Variants in GLIPR1L2 observed in about 807,000 individuals in gnomAD.
GLIPR1L2 encodes GLIPR1 like 2, also known as GLIPR1-like protein 2.
Under a neutral mutation model 28.4 loss-of-function variants are expected in GLIPR1L2, and 21 were observed. The ratio of observed to expected loss-of-function variants is 0.74; its 90% confidence interval spans 0.52 to 1.06. GLIPR1L2 has a LOEUF of 1.06. Ranked by LOEUF, GLIPR1L2 falls within the 50% of genes least tolerant of loss-of-function variation. The pLI is 0.00. For missense variants in GLIPR1L2, 476 were observed against 416.9 expected (o/e 1.14, Z -1.23); for synonymous variants, 145 against 139.3 (o/e 1.04, Z -0.29).
intron 1 of GLIPR1L2, among the ~76,000 whole-genome samples, chr12:75,398,447 T>G (rs1448630496): frequency 1.3e-5 from 2 of 152,132 alleles, no homozygotes; most frequent in Non-Finnish European, 2.9e-5. Context: ...ACTAAACATT[T>G]TATTCCCATT....
At chr12:75,395,685 T>C (rs1236605692) in intron 1 of GLIPR1L2, among the ~76,000 whole-genome samples, 1 of 151,770 alleles carries the variant, frequency 6.6e-6, no homozygotes, top group East Asian at 1.9e-4. Context: ...TAGTTATAGG[T>C]CTGTTTAGAT....
intron 1 of GLIPR1L2, among the ~76,000 whole-genome samples, chr12:75,395,970 T>C (rs139402632): frequency 1.3e-5 from 2 of 152,258 alleles, no homozygotes; most frequent in Admixed American, 1.3e-4. Context: ...AGGTTGTTGA[T>C]TTGGAGTCTT....
At chr12:75,397,183 T>G (rs760714585) in intron 1 of GLIPR1L2, among the ~76,000 whole-genome samples, 3 of 152,166 alleles carry the variant, frequency 2.0e-5, no homozygotes, top group Non-Finnish European at 4.4e-5. Context: ...TTAGAACTGC[T>G]GTTCATTCAC....
intron 1 of GLIPR1L2, among the ~76,000 whole-genome samples, chr12:75,409,036 GT>G (rs1437427497): frequency 2.0e-5 from 3 of 152,000 alleles, no homozygotes; most frequent in African/African-American, 7.2e-5. Flanking sequence ...TGTTCAATCT[GT>G]GGCCTTCAGG....
chr12:75,431,190 C>T lies in GLIPR1L2; in HGVS notation c.*29C>T, dbSNP rs769751258. 6 of 612,008 alleles carry T rather than the reference C, an allele frequency of 9.8e-6. No individual in the cohort carries two copies. The South Asian group carries it at 1.2e-4, about 13-fold the overall frequency. The allele number at this position is 612,008 out of a possible 1,614,324, so 37.9% of individuals were successfully genotyped here. A position where few individuals can be genotyped will look rare whatever the true frequency, so the allele number is the denominator to read the frequency against. On this transcript the variant is annotated 3_prime_UTR_variant, in exon 6 of 6. Transcript: ENST00000550916. ...TAGAAAGAGGAGGAAAAAGATGTATCACCAATATAAACCAAAAGTGTAATA... is the reference window on the plus strand; with the variant it reads ...TAGAAAGAGGAGGAAAAAGATGTATTACCAATATAAACCAAAAGTGTAATA...
At chr12:75,404,686 A>C (rs1432412205) in intron 1 of GLIPR1L2, among the ~76,000 whole-genome samples, 6 of 152,152 alleles carry the variant, frequency 3.9e-5, no homozygotes, top group Non-Finnish European at 1.5e-5. Flanking sequence ...ATAAAACAAC[A>C]AATGTGTATT....
intron 4 of GLIPR1L2, among the ~76,000 whole-genome samples, chr12:75,429,627 T>C (rs1191968121): frequency 6.6e-6 from 1 of 152,152 alleles, no homozygotes; most frequent in Non-Finnish European, 1.5e-5. Context: ...TGATATGGTT[T>C]GGCTCTGTGT....
chr12:75,397,690 G>A (rs1448725683), intron 1 of GLIPR1L2, among the ~76,000 whole-genome samples: 1 of 152,142 alleles, frequency 6.6e-6, no homozygotes, highest in Non-Finnish European at 1.5e-5. Flanking sequence ...GTGTCCACTT[G>A]TAGGCATAGG....
Position 75,431,329 on chromosome 12 carries a change from C to T in GLIPR1L2, c.*168C>T. 2.1e-6 allele frequency: 1 copy of T among 487,488 alleles called. No individual in the cohort carries two copies. The highest frequency in any genetic ancestry group is 3.6e-6 in the Non-Finnish European group (1 of 279,664). 30.2% of individuals were successfully genotyped at this position (487,488 alleles called of 1,614,324 possible). A position where few individuals can be genotyped will look rare whatever the true frequency, so the allele number is the denominator to read the frequency against. On this transcript the variant is annotated 3_prime_UTR_variant, in exon 6 of 6. Transcript: ENST00000550916. ...CCCTTCTCTCCTATACTTATTCAAT[C>T]AATTTAAATTTGTAAAACAAAGAAA...
At position 75,425,258 on chromosome 12, in the gene GLIPR1L2, G is replaced by T. The variant is rs552384451; in HGVS notation, c.670+2269G>T. On this transcript the variant is annotated intron_variant, in intron 4 of 5. Coordinates refer to ENST00000550916, the MANE Select transcript of GLIPR1L2 (RefSeq NM_001270396.2). ...CCAGTGAGGAAGGCATCCCTGGGGGGATGGTCCTGCAGTGGTTGTTGGAGG... is the reference window on the plus strand; with the variant it reads ...CCAGTGAGGAAGGCATCCCTGGGGGTATGGTCCTGCAGTGGTTGTTGGAGG... Among the ~76,000 whole-genome samples, 88 of 152,272 alleles carry T rather than the reference G, an allele frequency of 5.8e-4. 1 individual carries two copies. Among genetic ancestry groups the T allele is most frequent in the African/African-American group, 2.0e-3 (84 of 41,544 alleles).
intron 1 of GLIPR1L2, among the ~76,000 whole-genome samples, chr12:75,409,554 T>C (rs1054309235): frequency 8.6e-6 from 1 of 116,166 alleles, no homozygotes; most frequent in Non-Finnish European, 1.9e-5. Context: ...AGATTTTTTT[T>C]GGGTGTGTGT....
At chr12:75,400,935 G>A (rs1240663732) in intron 1 of GLIPR1L2, among the ~76,000 whole-genome samples, 1 of 151,930 alleles carries the variant, frequency 6.6e-6, no homozygotes, top group African/African-American at 2.4e-5. Context: ...ATATATGTGT[G>A]TGTATTTTTG....
rs140140915 is a variant in GLIPR1L2, at chr12:75,423,011, T to A, written c.670+22T>A. On this transcript the variant is annotated intron_variant, in intron 4 of 5. Transcript: ENST00000550916. Reference sequence around the variant, plus strand: ...TGCAGTAAGATAAAGAAAATAAACATGAAAAAAATGCATAATGGATTGGAC... The same window carrying A: ...TGCAGTAAGATAAAGAAAATAAACAAGAAAAAAATGCATAATGGATTGGAC... 4.4e-5 allele frequency: 71 copies of A among 1,607,548 alleles called. No homozygotes were observed. In the African/African-American group the frequency reaches 6.7e-4, roughly 15 times the overall value.
intron 3 of GLIPR1L2, among the ~76,000 whole-genome samples, chr12:75,415,714 A>G (rs945170368): frequency 6.6e-6 from 1 of 152,024 alleles, no homozygotes; most frequent in African/African-American, 2.4e-5. Context: ...GCTGGCTCTG[A>G]GCCATGTGTT....
At chr12:75,401,918 A>G (rs1241826291) in intron 1 of GLIPR1L2, among the ~76,000 whole-genome samples, 2 of 152,156 alleles carry the variant, frequency 1.3e-5, no homozygotes, top group African/African-American at 2.4e-5. Context: ...AAAGAAACAA[A>G]GAATGAGAGA....
chr12:75,430,772 A>G, intron 5 of GLIPR1L2, 31 bp downstream of exon 5: 1 of 1,534,552 alleles, frequency 6.5e-7, no homozygotes, highest in Non-Finnish European at 8.7e-7. Flanking sequence ...TTTCTTGAAC[A>G]ATTGAACTGC....
chr12:75,405,635 C>T (rs528417632), intron 1 of GLIPR1L2, among the ~76,000 whole-genome samples: 42 of 113,222 alleles, frequency 3.7e-4, no homozygotes, highest in Non-Finnish European at 5.6e-4. Context: ...GGGCAGCAGA[C>T]GCAGTTTGTC....
At position 75,431,030 on chromosome 12, in the gene GLIPR1L2, G is replaced by GA; in HGVS notation, c.909dup (p.Glu304ArgfsTer73). 1 of 1,518,994 alleles carries GA rather than the reference G, an allele frequency of 6.6e-7. No homozygotes were observed. The highest frequency in any genetic ancestry group is 8.8e-7 in the Non-Finnish European group (1 of 1,131,578). The allele number at this position is 1,518,994 out of a possible 1,614,324, so 94.1% of individuals were successfully genotyped here. A position where few individuals can be genotyped will look rare whatever the true frequency, so the allele number is the denominator to read the frequency against. ...ATCTGAAGCAGGGAATGAAGAGGAG[G>GA]AAAAAGAGGAAGAGAAGAAAGAGAA... On this transcript the variant is annotated frameshift_variant, in exon 6 of 6. Coordinates refer to ENST00000550916, the MANE Select transcript of GLIPR1L2 (RefSeq NM_001270396.2). LOFTEE classifies it low-confidence loss of function (END_TRUNC).
At chr12:75,413,828 T>C (rs1175465872) in intron 3 of GLIPR1L2, 127 bp downstream of exon 3, 3 of 469,842 alleles carry the variant, frequency 6.4e-6, no homozygotes, top group African/African-American at 6.1e-5. Flanking sequence ...CATTGAAATA[T>C]TTTCAATCAA....
Sources: allele counts gnomAD v4.1 joint callset (sites outside exome capture counted in the v4.1 genomes callset), GRCh38; gene constraint gnomAD v4.1.1; transcripts MANE v1.5; gene names NCBI Gene and HGNC (gene_info 2026-07-23, HGNC 2026-07-21).